The following CALN1 variants were observed in gnomAD, a reference collection of about 807,000 sequenced individuals.
CALN1 encodes calneuron 1, also known as calcium-binding protein 8.
Under a neutral mutation model 30.6 loss-of-function variants are expected in CALN1, and 17 were observed. The observed-to-expected ratio is 0.56, with a 90% CI of 0.38 to 0.83. The LOEUF (loss-of-function observed/expected upper bound fraction) is 0.83. Ranked by LOEUF, CALN1 falls within the 40% of genes least tolerant of loss-of-function variation. CALN1 has a pLI of 0.00. For missense variants in CALN1, 291 were observed against 354.9 expected (o/e 0.82, Z 1.45); for synonymous variants, 156 against 131.4 (o/e 1.19, Z -1.28).
chr7:72,386,322 G>A (rs529014023), intron 2 of CALN1, among the ~76,000 whole-genome samples: 20 of 152,308 alleles, frequency 1.3e-4, no homozygotes, highest in African/African-American at 4.6e-4. Context: ...CAAATGGTAT[G>A]ACACAAACTC....
rs569204303 is a variant in CALN1 at position 72,406,425 on chromosome 7, G to A, written c.-73-2983C>T. On this transcript the variant is annotated intron_variant, in intron 1 of 6. Transcript: ENST00000395275. ...GAGCTTCCTTGTCCCCAAATTAACCGGTTATCTCATTTCCTGATGCGATTC... is the reference window on the plus strand; with the variant it reads ...GAGCTTCCTTGTCCCCAAATTAACCAGTTATCTCATTTCCTGATGCGATTC... 3.3e-5 allele frequency among the ~76,000 whole-genome samples: 5 copies of A among 152,180 alleles called. No homozygotes were observed. The East Asian group carries it at 5.8e-4, about 18-fold the overall frequency.
chr7:71,996,471 G>C (rs766299560), intron 5 of CALN1, among the ~76,000 whole-genome samples: 5 of 152,210 alleles, frequency 3.3e-5, no homozygotes, highest in Admixed American at 2.6e-4. Flanking sequence ...CTATAAGTGA[G>C]AACATGTGGT....
chr7:72,265,609 T>A (rs747585079), intron 3 of CALN1, among the ~76,000 whole-genome samples: 1 of 151,906 alleles, frequency 6.6e-6, no homozygotes, highest in Non-Finnish European at 1.5e-5. Flanking sequence ...CTGTTGAAAA[T>A]GAAAGGTTCC....
At chr7:71,809,464 C>CAAAAAAAAAAAAAAAA (rs10682965) in intron 6 of CALN1, among the ~76,000 whole-genome samples, 48 of 108,280 alleles carry the variant, frequency 4.4e-4, no homozygotes, top group African/African-American at 5.6e-4. Flanking sequence ...TTTAAATGTT[C>CAAAAAAAAAAAAAAAA]AAAAAAAAAA....
intron 3 of CALN1, among the ~76,000 whole-genome samples, chr7:72,247,502 G>T (rs13236492): frequency 1.3e-5 from 2 of 151,228 alleles, no homozygotes; most frequent in African/African-American, 2.4e-5. Flanking sequence ...TGATCTGCCC[G>T]CCTCAGCCTC....
At chr7:72,292,304 C>T (rs1375925306) in intron 2 of CALN1, among the ~76,000 whole-genome samples, 1 of 151,676 alleles carries the variant, frequency 6.6e-6, no homozygotes, top group Non-Finnish European at 1.5e-5. Flanking sequence ...ACAGGGGGCC[C>T]TCTTCTCATT....
intron 5 of CALN1, among the ~76,000 whole-genome samples, chr7:71,953,815 T>A (rs1231446885): frequency 1.3e-5 from 2 of 151,978 alleles, no homozygotes; most frequent in Non-Finnish European, 2.9e-5. Context: ...GCTGGGCTGA[T>A]GTTTCTACAG....
Position 72,034,720 on chromosome 7 carries a change from G to A in CALN1, c.389-10951C>T, listed in dbSNP as rs117192209. Among the ~76,000 whole-genome samples, 594 of 149,484 alleles carry A rather than the reference G, an allele frequency of 4.0e-3. 5 individuals carry two copies. Among genetic ancestry groups the A allele is most frequent in the Middle Eastern group, 0.014 (4 of 290 alleles). On this transcript the variant is annotated intron_variant, in intron 4 of 6. Coordinates refer to ENST00000395275, the MANE Select transcript of CALN1 (RefSeq NM_031468.4). ...TGAGAATCGCTTGAACCTGGGAGGC[G>A]GAGATTGTGGTGAGCTGTGATCATG... is the stretch of plus-strand genomic sequence containing the variant.
intron 5 of CALN1, among the ~76,000 whole-genome samples, chr7:71,926,949 G>A (rs532992854): frequency 3.4e-4 from 51 of 152,098 alleles, no homozygotes; most frequent in Non-Finnish European, 6.6e-4. Context: ...TAAATTTCCC[G>A]AGAGTTCAAA....
At chr7:72,052,824 G>A (rs1802920844) in intron 4 of CALN1, among the ~76,000 whole-genome samples, 1 of 152,196 alleles carries the variant, frequency 6.6e-6, no homozygotes, top group African/African-American at 2.4e-5. Flanking sequence ...AAAGAAAGAA[G>A]ACTTAGGTAA....
At chr7:72,386,419 T>TA (rs1805212430) in intron 2 of CALN1, among the ~76,000 whole-genome samples, 1 of 152,184 alleles carries the variant, frequency 6.6e-6, no homozygotes, top group Non-Finnish European at 1.5e-5. Flanking sequence ...GAACTATACA[T>TA]AAGCGTTTTA....
At chr7:72,194,983 A>G (rs995512525) in intron 3 of CALN1, among the ~76,000 whole-genome samples, 5 of 152,066 alleles carry the variant, frequency 3.3e-5, no homozygotes, top group African/African-American at 1.2e-4. Context: ...CTAATATACA[A>G]GACACTTTAT....
intron 2 of CALN1, among the ~76,000 whole-genome samples, chr7:72,383,271 C>T (rs984495881): frequency 6.6e-6 from 1 of 152,144 alleles, no homozygotes; most frequent in South Asian, 2.1e-4. Context: ...TCCCTTGGGT[C>T]TATATTCTGT....
intron 3 of CALN1, among the ~76,000 whole-genome samples, chr7:72,202,076 C>G (rs1791476339): frequency 6.6e-6 from 1 of 152,076 alleles, no homozygotes; most frequent in Non-Finnish European, 1.5e-5. Flanking sequence ...GAGTAAACAT[C>G]TATAGTGAGA....
intron 3 of CALN1, among the ~76,000 whole-genome samples, chr7:72,148,091 TA>T (rs1042994402): frequency 4.4e-4 from 26 of 58,824 alleles, no homozygotes; most frequent in Admixed American, 1.3e-3. Flanking sequence ...TAAAGTATAA[TA>T]AAAAAAAATA....
At chr7:72,366,119 A>G (rs1008613195) in intron 2 of CALN1, among the ~76,000 whole-genome samples, 8 of 151,808 alleles carry the variant, frequency 5.3e-5, no homozygotes, top group Non-Finnish European at 1.0e-4. Context: ...AGTATGGTAC[A>G]TTCCTATAAT....
chr7:72,188,459 C>T (rs1016205464), intron 3 of CALN1, among the ~76,000 whole-genome samples: 2 of 151,952 alleles, frequency 1.3e-5, no homozygotes, highest in African/African-American at 4.8e-5. Context: ...GAATGGAAAA[C>T]CAAACATCGT....
At chr7:72,072,439 G>A (rs573808211) in intron 4 of CALN1, among the ~76,000 whole-genome samples, 2 of 152,196 alleles carry the variant, frequency 1.3e-5, no homozygotes, top group Non-Finnish European at 2.9e-5. Context: ...AAGTGAGGGA[G>A]AAATTAAGAC....
At chr7:72,002,776 G>A (rs977517989) in intron 5 of CALN1, among the ~76,000 whole-genome samples, 6 of 152,124 alleles carry the variant, frequency 3.9e-5, no homozygotes, top group African/African-American at 1.4e-4. Context: ...TGAACTTGGA[G>A]GACATTATGC....
Sources: gnomAD v4.1 joint callset for allele counts (sites outside exome capture counted in the v4.1 genomes callset) on GRCh38, gnomAD v4.1.1 for gene constraint, MANE v1.5 for transcripts, NCBI Gene and HGNC (gene_info 2026-07-23, HGNC 2026-07-21) for gene names.